TOM1L2: variants seen among roughly 807,000 people sequenced by gnomAD.
The protein encoded by TOM1L2 is TOM1-like protein 2.
TOM1L2 carries 31 observed loss-of-function variants against 67.9 expected under a neutral mutation model. The ratio of observed to expected loss-of-function variants is 0.46; its 90% CI spans 0.34 to 0.62. The LOEUF is 0.62. Ranked by LOEUF, TOM1L2 falls within the 20% of genes least tolerant of loss-of-function variation. The probability of loss-of-function intolerance (pLI) is 0.01; values close to 1 mark genes in which losing one functional copy is unlikely to be tolerated. For synonymous variants in TOM1L2, 256 were observed against 254.0 expected, an observed-to-expected ratio of 1.01 and a Z score of -0.07; for missense variants, 606 against 663.5, an observed-to-expected ratio of 0.91 and a Z score of 0.95.
intron 1 of TOM1L2, among the ~76,000 whole-genome samples, chr17:17,942,200 G>T (rs912416998): frequency 6.6e-6 from 1 of 152,212 alleles, no homozygotes; most frequent in East Asian, 1.9e-4. Flanking sequence ...GAAAACAGCA[G>T]ACAAAAGTAA....
intron 5 of TOM1L2, among the ~76,000 whole-genome samples, chr17:17,883,334 A>T (rs775053984): frequency 2.2e-4 from 33 of 152,242 alleles, no homozygotes; most frequent in Non-Finnish European, 4.7e-4. Flanking sequence ...TATAGGAACA[A>T]CAACACTGCT....
chr17:17,869,122 C>T, intron 8 of TOM1L2: 1 of 820,712 alleles, frequency 1.2e-6, no homozygotes. Flanking sequence ...GAGCCTAATT[C>T]TGCACGTCAA....
intron 1 of TOM1L2, among the ~76,000 whole-genome samples, chr17:17,921,370 G>A (rs1286105608): frequency 6.6e-6 from 1 of 152,264 alleles, no homozygotes; most frequent in Non-Finnish European, 1.5e-5. Flanking sequence ...TTCCCTTGAG[G>A]AGGATCCACA....
intron 2 of TOM1L2, among the ~76,000 whole-genome samples, chr17:17,900,395 G>C (rs2038792056): frequency 6.6e-6 from 1 of 151,734 alleles, no homozygotes; most frequent in Non-Finnish European, 1.5e-5. Flanking sequence ...GGTGATGTGT[G>C]CCTGTAGTCC....
chr17:17,918,969 T>C (rs2144583873), intron 1 of TOM1L2, among the ~76,000 whole-genome samples: 1 of 152,274 alleles, frequency 6.6e-6, no homozygotes, highest in South Asian at 2.1e-4. Context: ...TGACAGGCAC[T>C]GGGCAGTCTG....
At chr17:17,910,755 A>G (rs181777346) in intron 1 of TOM1L2, among the ~76,000 whole-genome samples, 1 of 152,052 alleles carries the variant, frequency 6.6e-6, no homozygotes, top group African/African-American at 2.4e-5. Flanking sequence ...TTTGTAGTAG[A>G]GATGGGTTTC....
intron 1 of TOM1L2, among the ~76,000 whole-genome samples, chr17:17,929,237 A>AGCCTGGGC (rs2040226374): frequency 6.6e-6 from 1 of 152,184 alleles, no homozygotes; most frequent in African/African-American, 2.4e-5. Context: ...GCAGCAACAC[A>AGCCTGGGC]GCCTGGGCCA....
At chr17:17,934,658 T>C (rs2040452954) in intron 1 of TOM1L2, among the ~76,000 whole-genome samples, 1 of 152,212 alleles carries the variant, frequency 6.6e-6, no homozygotes, top group South Asian at 2.1e-4. Flanking sequence ...TTATGATTTT[T>C]AAAAATGTGT....
chr17:17,972,162 G>C, intron 1 of TOM1L2, 100 bp downstream of exon 1: 3 of 1,443,964 alleles, frequency 2.1e-6, no homozygotes, highest in Non-Finnish European at 1.9e-6. Flanking sequence ...GGCCCAGCCC[G>C]CTCGTGAAGT....
chr17:17,879,878 C>T, intron 6 of TOM1L2, 135 bp from the exon 7 acceptor site: 3 of 779,604 alleles, frequency 3.8e-6, no homozygotes, highest in Non-Finnish European at 6.8e-6. Flanking sequence ...TCTGAGTGCA[C>T]ACTGCAGAGG....
At chr17:17,926,873 A>G (rs1213568609) in intron 1 of TOM1L2, among the ~76,000 whole-genome samples, 1 of 152,136 alleles carries the variant, frequency 6.6e-6, no homozygotes, top group Non-Finnish European at 1.5e-5. Flanking sequence ...AAAGGAAGAA[A>G]GAAAAAGAAA....
At chr17:17,934,670 G>A (rs767390778) in intron 1 of TOM1L2, among the ~76,000 whole-genome samples, 6 of 151,928 alleles carry the variant, frequency 3.9e-5, no homozygotes, top group Admixed American at 1.3e-4. Flanking sequence ...AAAATGTGTC[G>A]ACCTATACAG....
intron 2 of TOM1L2, among the ~76,000 whole-genome samples, chr17:17,900,201 G>A (rs1263013755): frequency 3.3e-5 from 5 of 149,784 alleles, no homozygotes; most frequent in South Asian, 2.1e-4. Flanking sequence ...CGACAAGAGT[G>A]AAACTTCATC....
chr17:17,934,572 T>C (rs1230751598), intron 1 of TOM1L2, among the ~76,000 whole-genome samples: 3 of 152,206 alleles, frequency 2.0e-5, no homozygotes, highest in Non-Finnish European at 4.4e-5. Flanking sequence ...CTGTGTTTTG[T>C]TTTGTTTTGT....
intron 1 of TOM1L2, among the ~76,000 whole-genome samples, chr17:17,943,731 A>G (rs1276185741): frequency 6.7e-6 from 1 of 149,008 alleles, no homozygotes. Flanking sequence ...AGTATTAAAA[A>G]CCTCCCAGAT....
intron 1 of TOM1L2, among the ~76,000 whole-genome samples, chr17:17,959,008 G>A (rs999411847): frequency 1.3e-5 from 2 of 152,198 alleles, no homozygotes; most frequent in Non-Finnish European, 2.9e-5. Flanking sequence ...TGGGAGGCTG[G>A]CACAGAAGTT....
chr17:17,925,598 T>A (rs998091155), intron 1 of TOM1L2, among the ~76,000 whole-genome samples: 5 of 151,516 alleles, frequency 3.3e-5, no homozygotes, highest in African/African-American at 9.7e-5. Context: ...TCCCAGCACT[T>A]TGCCACGCTG....
At chr17:17,862,105 C>A (rs2036587671) in intron 11 of TOM1L2, 1 of 153,624 alleles carries the variant, frequency 6.5e-6, no homozygotes, top group Admixed American at 6.5e-5. Context: ...GAGCCCCAAG[C>A]AGGACTCAGG....
chr17:17,922,813 C>T (rs1467650190), intron 1 of TOM1L2, among the ~76,000 whole-genome samples: 1 of 152,160 alleles, frequency 6.6e-6, no homozygotes, highest in African/African-American at 2.4e-5. Flanking sequence ...AGACGGAATT[C>T]CAGCGGGGAA....
Sources: gnomAD v4.1 joint callset for allele counts (sites outside exome capture counted in the v4.1 genomes callset) on GRCh38, gnomAD v4.1.1 for gene constraint, MANE v1.5 for transcripts, NCBI Gene and HGNC (gene_info 2026-07-23, HGNC 2026-07-21) for gene names.